Variants in RARB observed in about 807,000 individuals in gnomAD.
RARB encodes retinoic acid receptor beta.
In RARB, 17 loss-of-function variants were observed where a neutral mutation model predicts 51.9. The ratio of observed to expected loss-of-function variants is 0.33; its 90% CI spans 0.22 to 0.49. The LOEUF (loss-of-function observed/expected upper bound fraction) is 0.49. Among genes scored for constraint, RARB ranks in the 20% least tolerant of loss-of-function variants. RARB has a pLI of 0.99. For missense variants in RARB, 369 were observed against 550.8 expected, an observed-to-expected ratio of 0.67 and a Z score of 3.30; for synonymous variants, 215 against 195.4, an observed-to-expected ratio of 1.10 and a Z score of -0.84.
intron 5 of RARB, among the ~76,000 whole-genome samples, chr3:25,332,724 G>A (rs1186724014): frequency 2.0e-5 from 3 of 152,174 alleles, no homozygotes; most frequent in Admixed American, 1.3e-4. Flanking sequence ...TAGGAAAAGA[G>A]GAAGTCAAAT....
chr3:25,241,409 C>A (rs1466341674), intron 5 of RARB, among the ~76,000 whole-genome samples: 1 of 152,142 alleles, frequency 6.6e-6, no homozygotes, highest in Non-Finnish European at 1.5e-5. Context: ...TGGTTTGCTG[C>A]ACCCATCACC....
chr3:25,105,334 AG>A (rs931619797), intron 3 of RARB, among the ~76,000 whole-genome samples: 4 of 151,932 alleles, frequency 2.6e-5, no homozygotes, highest in Non-Finnish European at 5.9e-5. Flanking sequence ...GATAGTAAAA[AG>A]ATAGTAAAAC....
chr3:25,159,656 C>T (rs149730043), intron 4 of RARB, among the ~76,000 whole-genome samples: 185 of 152,238 alleles, frequency 1.2e-3, no homozygotes, highest in Middle Eastern at 3.4e-3. Context: ...CAGCTGTATC[C>T]TCTTTGATCT....
intron 2 of RARB, among the ~76,000 whole-genome samples, chr3:24,930,847 C>A (rs61176331): frequency 0.047 from 7,154 of 152,064 alleles, 201 homozygotes; most frequent in East Asian, 0.1. Context: ...TGTCTCCCCA[C>A]ATTTTTCTTT....
intron 2 of RARB, among the ~76,000 whole-genome samples, chr3:24,873,269 A>G (rs1026973414): frequency 2.0e-5 from 3 of 152,192 alleles, no homozygotes; most frequent in African/African-American, 4.8e-5. Context: ...CTTTGTGAAC[A>G]TACTTTTTCT....
intron 5 of RARB, among the ~76,000 whole-genome samples, chr3:25,405,684 G>T (rs1707386591): frequency 6.6e-6 from 1 of 152,250 alleles, no homozygotes; most frequent in South Asian, 2.1e-4. Context: ...CTGTTGTTCA[G>T]TCATAGTATC....
At position 25,403,006 on chromosome 3, in the gene RARB, C is replaced by T. The variant is rs147053618; in HGVS notation, c.179-58187C>T. Reference sequence around the variant, plus strand: ...AGTGAAACCCCATCTCTACTAAAAACACAAAAATTAGCTGGGCATGGTGGT... The same window carrying T: ...AGTGAAACCCCATCTCTACTAAAAATACAAAAATTAGCTGGGCATGGTGGT... On this transcript the variant is annotated intron_variant, in intron 5 of 11. Transcript: ENST00000383772. Among the ~76,000 whole-genome samples, 492 of 151,818 alleles carry T rather than the reference C, an allele frequency of 3.2e-3. 8 individuals carry two copies. Among genetic ancestry groups the T allele is most frequent in the Non-Finnish European group, 1.0e-3 (71 of 67,910 alleles).
At position 24,946,383 on chromosome 3, in the gene RARB, T is replaced by G. The variant is rs369018028; in HGVS notation, c.-380+87631T>G. Among the ~76,000 whole-genome samples, 28 of 151,632 alleles carry G rather than the reference T, an allele frequency of 1.8e-4. 2 individuals carry two copies. Among genetic ancestry groups the G allele is most frequent in the South Asian group, 6.3e-4 (3 of 4,742 alleles). On this transcript the variant is annotated intron_variant, in intron 2 of 11. Coordinates refer to the RARB transcript ENST00000383772. ...GAGCCAGTTCAGAGTGATAATTTTT[T>G]AACTAAATTCATTGCCTTTAGAAAT... is the stretch of plus-strand genomic sequence containing the variant.
intron 5 of RARB, among the ~76,000 whole-genome samples, chr3:25,250,112 CAG>C (rs1702674680): frequency 6.6e-6 from 1 of 152,094 alleles, no homozygotes; most frequent in South Asian, 2.1e-4. Flanking sequence ...ACAGGATGAA[CAG>C]ATCAGTACTC....
intron 5 of RARB, among the ~76,000 whole-genome samples, chr3:25,406,109 C>T (rs1283243668): frequency 1.3e-5 from 2 of 152,176 alleles, no homozygotes; most frequent in Non-Finnish European, 2.9e-5. Context: ...TCTCTCCATT[C>T]CCGTGACTCT....
chr3:24,835,693 C>T (rs765112786), intron 1 of RARB, among the ~76,000 whole-genome samples: 2 of 152,154 alleles, frequency 1.3e-5, no homozygotes, highest in Non-Finnish European at 2.9e-5. Flanking sequence ...TGTAGTAGGG[C>T]ACCTCCCCAG....
At chr3:25,031,059 GAT>G (rs1697863603) in intron 2 of RARB, among the ~76,000 whole-genome samples, 4 of 152,142 alleles carry the variant, frequency 2.6e-5, no homozygotes, top group Admixed American at 2.6e-4. Context: ...TTTGGGGCAT[GAT>G]ATGTTTTGTT....
rs193301331 is a variant in RARB, at chr3:25,155,383, C to T, written c.-279-18736C>T. Among the ~76,000 whole-genome samples the T allele has an allele frequency of 2.8e-3, 428 of 152,260 alleles. 3 individuals are homozygous for T. The highest frequency in any genetic ancestry group is 9.6e-3 in the African/African-American group (400 of 41,546). On this transcript the variant is annotated intron_variant, in intron 4 of 11. Transcript: ENST00000383772. The stretch of plus-strand genomic sequence containing the variant: ...TGTTAGATTGTGGGCAGGGATTGTT[C>T]CTCCCTTACTGTCTTCCCTCACGGG...
At chr3:24,956,598 C>T (rs1427651006) in intron 2 of RARB, among the ~76,000 whole-genome samples, 3 of 152,150 alleles carry the variant, frequency 2.0e-5, no homozygotes, top group Non-Finnish European at 2.9e-5. Flanking sequence ...TGGCTTGAAA[C>T]TGTACTCTGG....
intron 2 of RARB, among the ~76,000 whole-genome samples, chr3:25,057,673 T>C (rs137984459): frequency 1.3e-5 from 2 of 152,174 alleles, no homozygotes; most frequent in Non-Finnish European, 2.9e-5. Flanking sequence ...TGTTTCAGTT[T>C]CTTGGCTTTT....
chr3:24,849,815 G>T (rs549152522), intron 1 of RARB, among the ~76,000 whole-genome samples: 1 of 152,278 alleles, frequency 6.6e-6, no homozygotes, highest in African/African-American at 2.4e-5. Flanking sequence ...GAAATTCTGT[G>T]GTTTTGCATT....
chr3:24,988,218 G>A lies in RARB; in HGVS notation c.-379-71907G>A, dbSNP rs140882492. 5.9e-3 allele frequency among the ~76,000 whole-genome samples: 904 copies of A among 152,232 alleles called. 13 individuals carry two copies. The highest frequency in any genetic ancestry group is 0.024 in the Middle Eastern group (7 of 294). On this transcript the variant is annotated intron_variant, in intron 2 of 11. Coordinates refer to the RARB transcript ENST00000383772. ...TTGTATATGTAAATATGATTGATAC[G>A]AATATACTTGTTGACCATTTGGGAT...
At chr3:25,431,958 CTAAA>C (rs1708226809) in intron 1 of RARB, among the ~76,000 whole-genome samples, 1 of 152,024 alleles carries the variant, frequency 6.6e-6, no homozygotes, top group South Asian at 2.1e-4. Context: ...GAAAGAAAGA[CTAAA>C]TAAAGACTGA....
intron 2 of RARB, among the ~76,000 whole-genome samples, chr3:24,878,579 GT>G (rs1703095731): frequency 6.6e-6 from 1 of 152,130 alleles, no homozygotes; most frequent in Admixed American, 6.5e-5. Context: ...GTAATTCTGT[GT>G]TATCAGGGGC....
Sources: gnomAD v4.1 joint callset for allele counts (sites outside exome capture counted in the v4.1 genomes callset) on GRCh38, gnomAD v4.1.1 for gene constraint, MANE v1.5 for transcripts, NCBI Gene and HGNC (gene_info 2026-07-23, HGNC 2026-07-21) for gene names.